CNTN6: variants seen among roughly 807,000 people sequenced by gnomAD.
CNTN6 encodes the protein contactin 6.
Under a neutral mutation model 122.8 loss-of-function variants are expected in CNTN6, and 137 were observed. The ratio of observed to expected loss-of-function variants is 1.12; its 90% CI spans 0.97 to 1.29. The LOEUF (loss-of-function observed/expected upper bound fraction) is 1.29. CNTN6 is among the 50% of genes most tolerant of loss of function. The pLI, the probability that CNTN6 is intolerant of heterozygous loss-of-function variation, is 0.00. For missense variants in CNTN6, 1,634 were observed against 1,223.4 expected (o/e 1.34, Z -5.01); for synonymous variants, 570 against 426.0 (o/e 1.34, Z -4.16).
intron 2 of CNTN6, among the ~76,000 whole-genome samples, chr3:1,204,347 A>T (rs2093928480): frequency 6.6e-6 from 1 of 152,164 alleles, no homozygotes. Context: ...TATTTTTCAA[A>T]GGTTAATGTT....
intron 4 of CNTN6, among the ~76,000 whole-genome samples, chr3:1,266,948 CCTT>C (rs2094935361): frequency 7.1e-6 from 1 of 140,854 alleles, no homozygotes; most frequent in Non-Finnish European, 1.5e-5. Context: ...TCAGCCTGGC[CCTT>C]TTTTTTTTTT....
intron 5 of CNTN6, among the ~76,000 whole-genome samples, chr3:1,279,483 A>T (rs1019197318): frequency 3.9e-5 from 6 of 152,192 alleles, no homozygotes; most frequent in African/African-American, 1.4e-4. Context: ...CTTATAAGAG[A>T]TATATGAGTA....
Position 1,352,347 on chromosome 3 carries a change from G to A in CNTN6, c.1388G>A (p.Ser463Asn), listed in dbSNP as rs776922163. Reference protein sequence around the residue: ...SKRIFLLEDGSLKIYNITRSD... With the variant: ...SKRIFLLEDGNLKIYNITRSD... Reference sequence around the variant, plus strand: ...AGAATATTTCTCTTGGAGGATGGCAGCCTCAAGATATATAATATTACCAGG... The same window carrying A: ...AGAATATTTCTCTTGGAGGATGGCAACCTCAAGATATATAATATTACCAGG... The change falls in exon 12 of 23, where the codon AGC becomes AAC. Residue 463 changes from serine (S) to asparagine (N), a missense_variant. Coordinates refer to ENST00000446702, the MANE Select transcript of CNTN6 (RefSeq NM_001289080.2). 2.0e-6 allele frequency: 3 copies of A among 1,534,856 alleles called. No individual in the cohort carries two copies. Among genetic ancestry groups the A allele is most frequent in the Non-Finnish European group, 2.6e-6 (3 of 1,133,010 alleles).
intron 3 of CNTN6, among the ~76,000 whole-genome samples, chr3:1,227,307 A>C (rs1441787426): frequency 6.6e-6 from 1 of 152,240 alleles, no homozygotes; most frequent in Admixed American, 6.5e-5. Flanking sequence ...CAAGTAACAT[A>C]CTAACAGAGG....
intron 1 of CNTN6, among the ~76,000 whole-genome samples, chr3:1,109,756 AAG>A (rs748175162): frequency 1.8e-4 from 27 of 152,080 alleles, no homozygotes; most frequent in Non-Finnish European, 4.0e-4. Flanking sequence ...ACAGAAAAGG[AAG>A]AGACACATAC....
At chr3:1,169,332 A>G (rs1504074) in intron 2 of CNTN6, among the ~76,000 whole-genome samples, 38,299 of 151,878 alleles carry the variant, frequency 0.25, 4,957 homozygotes, top group African/African-American at 0.3. Flanking sequence ...GTGGGGAAGG[A>G]GGGGACATTC....
rs771133835 is a variant in CNTN6, at chr3:1,154,448, C to CTTTTTTTTTTTTTTTTTTTTTTTTT, written c.55+6397_55+6398insTTTTTTTTTTTTTTTTTTTTTTTTT. ...ATAATATTTTTCTTTTCTTTTCTTTCTTTTTTTTTTTTGAGGTGGAGTTTT... is the reference window on the plus strand; with the variant it reads ...ATAATATTTTTCTTTTCTTTTCTTTCTTTTTTTTTTTTTTTTTTTTTTTTTTTTTTTTTTTTTGAGGTGGAGTTTT... On this transcript the variant is annotated intron_variant, in intron 2 of 22. Transcript: ENST00000446702. 4.3e-5 allele frequency among the ~76,000 whole-genome samples: 6 copies of CTTTTTTTTTTTTTTTTTTTTTTTTT among 140,512 alleles called. 1 individual carries two copies. Among genetic ancestry groups the CTTTTTTTTTTTTTTTTTTTTTTTTT allele is most frequent in the Admixed American group, 2.1e-4 (3 of 14,256 alleles). The allele number at this position is 140,512 out of a possible 152,430, so 92.2% of individuals were successfully genotyped here.
chr3:1,246,625 T>A (rs966217067), intron 4 of CNTN6, among the ~76,000 whole-genome samples: 1 of 152,178 alleles, frequency 6.6e-6, no homozygotes, highest in African/African-American at 2.4e-5. Context: ...TCTATAGTGA[T>A]TTTATTAATT....
intron 11 of CNTN6, among the ~76,000 whole-genome samples, chr3:1,332,195 C>G (rs1335585632): frequency 6.6e-6 from 1 of 151,920 alleles, no homozygotes; most frequent in Non-Finnish European, 1.5e-5. Flanking sequence ...GTAGTAATTA[C>G]AGTCACTACA....
chr3:1,207,545 A>T (rs2093974652), intron 2 of CNTN6, among the ~76,000 whole-genome samples: 1 of 152,020 alleles, frequency 6.6e-6, no homozygotes, highest in African/African-American at 2.4e-5. Context: ...GCCTTCCTTC[A>T]CTGCCTTTTA....
chr3:1,385,099 T>C (rs1692657892), intron 19 of CNTN6, among the ~76,000 whole-genome samples: 1 of 152,084 alleles, frequency 6.6e-6, no homozygotes, highest in South Asian at 2.1e-4. Flanking sequence ...CTTAGCTAGA[T>C]GATAAGGGGC....
intron 4 of CNTN6, among the ~76,000 whole-genome samples, chr3:1,228,806 G>A (rs2094318595): frequency 6.6e-6 from 1 of 152,170 alleles, no homozygotes. Flanking sequence ...AAAAGTAATT[G>A]TTCTGAAATT....
chr3:1,195,510 TAGAA>T (rs1442355458), intron 2 of CNTN6, among the ~76,000 whole-genome samples: 2 of 152,208 alleles, frequency 1.3e-5, no homozygotes, highest in African/African-American at 4.8e-5. Flanking sequence ...CCCTGTTCCT[TAGAA>T]AGAGTGCTGT....
At chr3:1,286,418 A>C (rs1694349827) in intron 5 of CNTN6, among the ~76,000 whole-genome samples, 1 of 151,500 alleles carries the variant, frequency 6.6e-6, no homozygotes, top group African/African-American at 2.4e-5. Context: ...TCATTGTTCA[A>C]CTCTCACTTA....
intron 7 of CNTN6, among the ~76,000 whole-genome samples, chr3:1,318,386 G>T (rs1207615988): frequency 6.6e-6 from 1 of 151,522 alleles, no homozygotes; most frequent in Non-Finnish European, 1.5e-5. Context: ...TGTGTCTAAA[G>T]CCTATATAAA....
chr3:1,253,014 C>T (rs947010565), intron 4 of CNTN6, among the ~76,000 whole-genome samples: 1 of 152,174 alleles, frequency 6.6e-6, no homozygotes, highest in African/African-American at 2.4e-5. Context: ...CTCTGAACTG[C>T]TAAGATTGTA....
At chr3:1,304,274 C>G (rs1697949384) in intron 7 of CNTN6, among the ~76,000 whole-genome samples, 1 of 129,060 alleles carries the variant, frequency 7.7e-6, no homozygotes, top group South Asian at 3.2e-4. Context: ...TGTTCAAGTT[C>G]CAGAAAGAGG....
intron 1 of CNTN6, among the ~76,000 whole-genome samples, chr3:1,120,619 G>A (rs1406428908): frequency 6.6e-6 from 1 of 151,788 alleles, no homozygotes; most frequent in Non-Finnish European, 1.5e-5. Context: ...CTGAAGAGCA[G>A]GTAGTCTTAA....
chr3:1,183,798 G>A (rs1413298052), intron 2 of CNTN6, among the ~76,000 whole-genome samples: 1 of 152,108 alleles, frequency 6.6e-6, no homozygotes, highest in South Asian at 2.1e-4. Flanking sequence ...AGTAGTCTGG[G>A]CACAGCTCAT....
Sources: allele counts gnomAD v4.1 joint callset (sites outside exome capture counted in the v4.1 genomes callset), GRCh38; gene constraint gnomAD v4.1.1; transcripts MANE v1.5; gene names NCBI Gene and HGNC (gene_info 2026-07-23, HGNC 2026-07-21).